ZNF221: variants seen among roughly 807,000 people sequenced by gnomAD.
ZNF221 encodes zinc finger protein 221.
A neutral mutation model predicts 12.6 loss-of-function variants in ZNF221; 10 were observed. The ratio of observed to expected loss-of-function variants is 0.79; its 90% CI spans 0.49 to 1.34. The LOEUF is 1.34. ZNF221 is among the 40% of genes most tolerant of loss of function. ZNF221 has a pLI of 0.00. For synonymous variants in ZNF221, 232 were observed against 244.0 expected (o/e 0.95, Z 0.46); for missense variants, 661 against 721.4 (o/e 0.92, Z 0.96).
At chr19:43,960,286 C>T (rs990612905) in intron 1 of ZNF221, 1 of 152,326 alleles carries the variant, frequency 6.6e-6, no homozygotes, top group South Asian at 2.1e-4. Flanking sequence ...GGCTGCCTCA[C>T]TGCTTCAAAC....
chr19:43,975,021 CAA>C, the ZNF221 span, among the ~76,000 whole-genome samples: 2 of 124,460 alleles, frequency 1.6e-5, no homozygotes, highest in Non-Finnish European at 1.7e-5. Context: ...AACTGTGTCT[CAA>C]AAAAAAAAAA....
chr19:43,961,803 A>G (rs1298219527), intron 1 of ZNF221: 1 of 152,102 alleles, frequency 6.6e-6, no homozygotes, highest in African/African-American at 2.4e-5. Context: ...GTCATTTGGG[A>G]TTTATGTATT....
At chr19:43,965,708 T>G in intron 4 of ZNF221, 96 bp from the exon 5 acceptor site, 2 of 1,163,194 alleles carry the variant, frequency 1.7e-6, no homozygotes, top group Non-Finnish European at 2.4e-6. Context: ...GTTTCCTGTT[T>G]TCATTAAAGT....
chr19:43,952,342 CCTT>C (rs1003110798), intron 1 of ZNF221, among the ~76,000 whole-genome samples: 41 of 152,198 alleles, frequency 2.7e-4, no homozygotes, highest in African/African-American at 9.4e-4. Context: ...CGGAGTGACT[CCTT>C]GACTACTGAC....
chr19:43,955,173 C>G (rs1974736216), intron 1 of ZNF221, among the ~76,000 whole-genome samples: 2 of 151,824 alleles, frequency 1.3e-5, no homozygotes, highest in African/African-American at 4.8e-5. Flanking sequence ...AAAACCCGGT[C>G]AAGAATCAGT....
At position 43,966,056 on chromosome 19, in the gene ZNF221, T is replaced by C. The variant is rs771841224; in HGVS notation, c.554T>C (p.Phe185Ser). ...CKQSFSDVSVFDLHQQSHSGE... is the reference protein window; with the variant it reads ...CKQSFSDVSVSDLHQQSHSGE... ...CAGTCCTTCAGTGATGTTTCTGTCT[T>C]TGATCTTCATCAACAATCACACTCA... Residue 185 changes from phenylalanine to serine, a missense_variant, in exon 5 of 5, where the codon TTT becomes TCT. Coordinates refer to ENST00000587682, the MANE Select transcript of ZNF221 (RefSeq NM_001297588.2). The C allele has an allele frequency of 6.2e-7, 1 of 1,614,134 alleles. No homozygotes were observed. The highest frequency in any genetic ancestry group is 1.3e-5 in the African/African-American group (1 of 74,938).
rs61734607 is a variant in ZNF221, at chr19:43,966,755, G to A, written c.1253G>A (p.Gly418Glu). 3,230 of 1,614,182 alleles carry A rather than the reference G, an allele frequency of 2.0e-3. 63 individuals carry two copies. In the African/African-American group the frequency reaches 0.039, roughly 19 times the overall value. The change falls in exon 5 of 5, where the codon GGA becomes GAA. Residue 418 changes from glycine to glutamate, a missense_variant. Coordinates refer to ENST00000587682, the MANE Select transcript of ZNF221 (RefSeq NM_001297588.2). ...TTGAACCATCAGCAAGTCCACAGTGGACAAAAATCCTTCAAATGTGAAGAA... is the reference window on the plus strand; with the variant it reads ...TTGAACCATCAGCAAGTCCACAGTGAACAAAAATCCTTCAAATGTGAAGAA... ...CLLNHQQVHS[G>E]QKSFKCEECG...
chr19:43,973,287 A>G, the ZNF221 span, among the ~76,000 whole-genome samples: 1 of 152,192 alleles, frequency 6.6e-6, no homozygotes, highest in Non-Finnish European at 1.5e-5. Flanking sequence ...CCCACAGCCA[A>G]TATCATACTG....
In ZNF221 at chr19:43,965,927, ACAG is replaced by A. The variant is rs1260745185; in HGVS notation, c.427_429del (p.Ser144del). 2 of 1,614,242 alleles carry A rather than the reference ACAG, an allele frequency of 1.2e-6. No individual in the cohort carries two copies. The highest frequency in any genetic ancestry group is 1.7e-6 in the Non-Finnish European group (2 of 1,180,034). ...ACCAGGTCTCAAAACTCCATAAGGA[ACAG>A]CTCTCAGTTCTTCAAAGAAGGTGAT... On this transcript the variant is annotated inframe_deletion, in exon 5 of 5. Coordinates refer to ENST00000587682, the MANE Select transcript of ZNF221 (RefSeq NM_001297588.2).
At position 43,967,288 on chromosome 19, in the gene ZNF221, G is replaced by A. The variant is rs757923907; in HGVS notation, c.1786G>A (p.Glu596Lys). Residue 596 changes from glutamate (E) to lysine (K), a missense_variant, in exon 5 of 5, where the codon GAA becomes AAA. Physicochemically the swap from Glu to Lys is moderately conservative, Grantham distance 56 (BLOSUM62 1). Coordinates refer to ENST00000587682, the MANE Select transcript of ZNF221 (RefSeq NM_001297588.2). ...GEKPLKSGVW[E>K]EIYSEFTASF... ...AAAGCCATTGAAATCTGGAGTGTGGGAAGAGATCTACTCAGAATTCACAGC... is the reference window on the plus strand; with the variant it reads ...AAAGCCATTGAAATCTGGAGTGTGGAAAGAGATCTACTCAGAATTCACAGC... 2 of 1,613,464 alleles carry A rather than the reference G, an allele frequency of 1.2e-6. No individual in the cohort carries two copies. The highest frequency in any genetic ancestry group is 1.7e-6 in the Non-Finnish European group (2 of 1,179,800).
At chr19:43,952,806 A>G (rs903203695) in intron 1 of ZNF221, among the ~76,000 whole-genome samples, 1 of 152,160 alleles carries the variant, frequency 6.6e-6, no homozygotes, top group African/African-American at 2.4e-5. Flanking sequence ...AACTTTGTCA[A>G]CTATTTTTTT....
chr19:43,954,687 T>A (rs1158444311), intron 1 of ZNF221, among the ~76,000 whole-genome samples: 1 of 152,192 alleles, frequency 6.6e-6, no homozygotes, highest in African/African-American at 2.4e-5. Context: ...GGTTTCTTGC[T>A]TAGGAATCAT....
intron 1 of ZNF221, among the ~76,000 whole-genome samples, chr19:43,951,893 A>T (rs1260122333): frequency 5.0e-5 from 4 of 80,654 alleles, no homozygotes; most frequent in East Asian, 3.9e-4. Flanking sequence ...TTTTTTTTTG[A>T]GACGGAGTCT....
intron 2 of ZNF221, among the ~76,000 whole-genome samples, chr19:43,964,665 C>T (rs1251933380): frequency 1.3e-5 from 2 of 152,188 alleles, no homozygotes; most frequent in African/African-American, 4.8e-5. Context: ...GCCCAGGAGG[C>T]AGCATGTAGA....
chr19:43,955,241 G>A (rs1435132497), intron 1 of ZNF221, among the ~76,000 whole-genome samples: 1 of 151,948 alleles, frequency 6.6e-6, no homozygotes, highest in Non-Finnish European at 1.5e-5. Flanking sequence ...TCACTTGCCA[G>A]CTACACTCAG....
At chr19:43,978,602 A>G in the ZNF221 span, 8 of 152,194 alleles carry the variant, frequency 5.3e-5, no homozygotes, top group East Asian at 1.3e-3. Context: ...TATTGTTCAT[A>G]TTTATGTCTC....
intron 1 of ZNF221, among the ~76,000 whole-genome samples, chr19:43,953,277 C>A (rs368752544): frequency 1.4e-5 from 2 of 146,688 alleles, no homozygotes; most frequent in Non-Finnish European, 3.0e-5. Flanking sequence ...TTTTTTAATG[C>A]TTATTGCCTT....
chr19:43,959,317 G>C (rs1974806888), intron 1 of ZNF221, among the ~76,000 whole-genome samples: 1 of 152,140 alleles, frequency 6.6e-6, no homozygotes, highest in African/African-American at 2.4e-5. Context: ...CTGTTGTCCT[G>C]GTATATTTTT....
downstream of ZNF221, among the ~76,000 whole-genome samples, chr19:43,972,229 A>G (rs1288811959): frequency 1.3e-5 from 2 of 152,212 alleles, no homozygotes; most frequent in Non-Finnish European, 2.9e-5. Context: ...ATTTGAAACT[A>G]ATAAGAATAA....
Sources: allele counts gnomAD v4.1 joint callset (sites outside exome capture counted in the v4.1 genomes callset), GRCh38; gene constraint gnomAD v4.1.1; transcripts MANE v1.5; gene names NCBI Gene and HGNC (gene_info 2026-07-23, HGNC 2026-07-21).